The following ARHGAP15 variants were observed in gnomAD, a reference collection of about 807,000 sequenced individuals.
The protein encoded by ARHGAP15 is rho GTPase-activating protein 15.
Under a neutral mutation model 63.7 loss-of-function variants are expected in ARHGAP15, and 51 were observed. The ratio of observed to expected loss-of-function variants is 0.80; its 90% CI spans 0.64 to 1.01. ARHGAP15 has a LOEUF of 1.01. Among genes scored for constraint, ARHGAP15 ranks in the 50% least tolerant of loss-of-function variants. The pLI is 0.00. For missense variants in ARHGAP15, 560 were observed against 564.6 expected (o/e 0.99, Z 0.08); for synonymous variants, 191 against 193.8 (o/e 0.99, Z 0.12).
intron 8 of ARHGAP15, among the ~76,000 whole-genome samples, chr2:143,481,054 A>G (rs556940077): frequency 6.6e-6 from 1 of 152,316 alleles, no homozygotes; most frequent in African/African-American, 2.4e-5. Flanking sequence ...TGGTGTGAGA[A>G]GAGTTTTGGA....
intron 8 of ARHGAP15, among the ~76,000 whole-genome samples, chr2:143,474,750 G>T (rs1311399779): frequency 2.0e-5 from 3 of 152,156 alleles, no homozygotes; most frequent in Non-Finnish European, 4.4e-5. Flanking sequence ...GCTCTCTCAA[G>T]TTCCCTCCAG....
chr2:143,166,945 CCTT>C (rs919974131), intron 2 of ARHGAP15, among the ~76,000 whole-genome samples: 1 of 151,988 alleles, frequency 6.6e-6, no homozygotes, highest in Non-Finnish European at 1.5e-5. Context: ...CTTTCTTTTT[CCTT>C]CTTCCTTAGT....
intron 11 of ARHGAP15, among the ~76,000 whole-genome samples, chr2:143,557,840 G>T (rs1695872096): frequency 6.6e-6 from 1 of 152,032 alleles, no homozygotes; most frequent in Admixed American, 6.6e-5. Flanking sequence ...TGAAAAACAA[G>T]AAGACCAACA....
chr2:143,512,488 G>T (rs1047809997), intron 9 of ARHGAP15, among the ~76,000 whole-genome samples: 1 of 152,196 alleles, frequency 6.6e-6, no homozygotes, highest in Non-Finnish European at 1.5e-5. Context: ...CACAGGACCA[G>T]CAAAACCAAT....
chr2:143,742,822 C>A (rs1686011877), intron 13 of ARHGAP15, among the ~76,000 whole-genome samples: 1 of 152,206 alleles, frequency 6.6e-6, no homozygotes, highest in Admixed American at 6.5e-5. Context: ...GTGGGAAGCC[C>A]ATGCAGCTCC....
At chr2:143,463,697 G>GC (rs1691071586) in intron 8 of ARHGAP15, among the ~76,000 whole-genome samples, 1 of 152,068 alleles carries the variant, frequency 6.6e-6, no homozygotes, top group Admixed American at 6.6e-5. Flanking sequence ...ATTATACAAT[G>GC]CCTTTTTGGT....
chr2:143,188,985 C>G (rs368289476), intron 2 of ARHGAP15, among the ~76,000 whole-genome samples: 1 of 151,848 alleles, frequency 6.6e-6, no homozygotes, highest in Non-Finnish European at 1.5e-5. Context: ...TTTGCCTAAA[C>G]ACTTCCCCTA....
chr2:143,664,426 A>G (rs904373862), intron 12 of ARHGAP15, among the ~76,000 whole-genome samples: 1 of 152,112 alleles, frequency 6.6e-6, no homozygotes, highest in Admixed American at 6.5e-5. Context: ...CAGTGTGTAG[A>G]GGGAAATTTA....
At chr2:143,344,087 T>A (rs1685170356) in intron 6 of ARHGAP15, 2 of 152,106 alleles carry the variant, frequency 1.3e-5, no homozygotes, top group South Asian at 4.1e-4. Flanking sequence ...GTCTCTGATG[T>A]ACACACATTC....
intron 9 of ARHGAP15, among the ~76,000 whole-genome samples, chr2:143,507,055 G>C (rs922086442): frequency 1.3e-5 from 2 of 152,072 alleles, no homozygotes; most frequent in Non-Finnish European, 2.9e-5. Flanking sequence ...ATAAATACAA[G>C]TAGAAGAAAC....
At chr2:143,236,064 AT>A in intron 5 of ARHGAP15, 1 of 1,419,244 alleles carries the variant, frequency 7.0e-7, no homozygotes, top group Non-Finnish European at 9.4e-7. Context: ...AAGCTCTGCA[AT>A]TTAGAACATC....
chr2:143,344,809 AAG>A (rs1685200322), intron 6 of ARHGAP15, among the ~76,000 whole-genome samples: 1 of 152,144 alleles, frequency 6.6e-6, no homozygotes. Flanking sequence ...CTTCAGTAAA[AAG>A]AGGAGAAAGG....
intron 6 of ARHGAP15, among the ~76,000 whole-genome samples, chr2:143,371,479 CCTGT>C (rs1327700729): frequency 2.6e-5 from 4 of 152,108 alleles, no homozygotes; most frequent in South Asian, 2.1e-4. Flanking sequence ...TGTCTGCCTG[CCTGT>C]CTATCTATCC....
chr2:143,263,998 T>C (rs1407262872), intron 6 of ARHGAP15, among the ~76,000 whole-genome samples: 3 of 146,944 alleles, frequency 2.0e-5, no homozygotes, highest in African/African-American at 7.5e-5. Flanking sequence ...GAGGTTTTTT[T>C]TCATCATTCA....
intron 9 of ARHGAP15, among the ~76,000 whole-genome samples, chr2:143,489,688 A>C (rs2105232034): frequency 6.6e-6 from 1 of 152,368 alleles, no homozygotes. Context: ...TAATCAGTTA[A>C]GAAAAATTGC....
intron 12 of ARHGAP15, among the ~76,000 whole-genome samples, chr2:143,688,847 T>A (rs1475071508): frequency 6.6e-6 from 1 of 152,170 alleles, no homozygotes; most frequent in Non-Finnish European, 1.5e-5. Flanking sequence ...TAGTCTTCTT[T>A]TTCTCTGAAT....
Position 143,768,065 on chromosome 2 carries a change from G to A in ARHGAP15, c.1321G>A (p.Ala441Thr). The A allele has an allele frequency of 6.2e-7, 1 of 1,613,768 alleles. No homozygotes were observed. Among genetic ancestry groups the A allele is most frequent in the Non-Finnish European group, 8.5e-7 (1 of 1,179,792 alleles). ...GIVFGPTLLR[A>T]ENETGNMAIH... ...TGTATTTGGACCTACCCTTCTGCGAGCTGAAAATGAAACAGGAAACATGGC... is the reference window on the plus strand; with the variant it reads ...TGTATTTGGACCTACCCTTCTGCGAACTGAAAATGAAACAGGAAACATGGC... The change falls in exon 14 of 14, where the codon GCT becomes ACT. Residue 441 changes from alanine to threonine, a missense_variant. Transcript: ENST00000295095.
intron 10 of ARHGAP15, among the ~76,000 whole-genome samples, chr2:143,520,238 C>T (rs1190415762): frequency 6.6e-6 from 1 of 151,934 alleles, no homozygotes; most frequent in Non-Finnish European, 1.5e-5. Flanking sequence ...GACAATAGAA[C>T]CAAGGGGAAA....
At chr2:143,429,089 G>A (rs1558965365) in intron 6 of ARHGAP15, among the ~76,000 whole-genome samples, 1 of 152,076 alleles carries the variant, frequency 6.6e-6, no homozygotes, top group South Asian at 2.1e-4. Flanking sequence ...GTTTTGGTGT[G>A]GCTGCTGCAA....
Sources: gnomAD v4.1 joint callset for allele counts (sites outside exome capture counted in the v4.1 genomes callset) on GRCh38, gnomAD v4.1.1 for gene constraint, MANE v1.5 for transcripts, NCBI Gene and HGNC (gene_info 2026-07-23, HGNC 2026-07-21) for gene names.